Variants in SCFD2 observed in about 807,000 individuals in gnomAD.
The protein encoded by SCFD2 is sec1 family domain-containing protein 2.
A neutral mutation model predicts 58.9 loss-of-function variants in SCFD2; 54 were observed. The ratio of observed to expected loss-of-function variants is 0.92; its 90% CI spans 0.74 to 1.15. The LOEUF is 1.15. Among genes scored for constraint, SCFD2 ranks in the 50% most tolerant of loss-of-function variants. The probability of loss-of-function intolerance (pLI) is 0.00; values close to 1 mark genes in which losing one functional copy is unlikely to be tolerated. For missense variants in SCFD2, 805 were observed against 836.6 expected (o/e 0.96, Z 0.47); for synonymous variants, 321 against 335.9 (o/e 0.96, Z 0.49).
chr4:52,992,002 C>T (rs1380024272), intron 5 of SCFD2, among the ~76,000 whole-genome samples: 1 of 151,970 alleles, frequency 6.6e-6, no homozygotes, highest in South Asian at 2.1e-4. Context: ...TCTCCCTCTC[C>T]CCACAGTCTC....
At chr4:52,888,874 A>G (rs1577800316) in intron 7 of SCFD2, among the ~76,000 whole-genome samples, 1 of 152,082 alleles carries the variant, frequency 6.6e-6, no homozygotes, top group Admixed American at 6.5e-5. Flanking sequence ...AGTCATCTCT[A>G]TTGAGCTCCT....
chr4:52,977,472 T>C (rs888971760), intron 5 of SCFD2, among the ~76,000 whole-genome samples: 6 of 152,086 alleles, frequency 3.9e-5, no homozygotes, highest in African/African-American at 1.4e-4. Flanking sequence ...AAAACAGTAT[T>C]ATCAGAGACT....
intron 2 of SCFD2, among the ~76,000 whole-genome samples, chr4:53,337,656 G>A (rs896452243): frequency 1.3e-5 from 2 of 152,082 alleles, no homozygotes; most frequent in African/African-American, 4.8e-5. Context: ...TAAAAAACTG[G>A]ACACAGCCTA....
At chr4:53,226,277 TAC>T (rs1260602253) in intron 4 of SCFD2, among the ~76,000 whole-genome samples, 1 of 152,138 alleles carries the variant, frequency 6.6e-6, no homozygotes, top group African/African-American at 2.4e-5. Flanking sequence ...CTTGCAGCAA[TAC>T]AACATTATTG....
chr4:53,185,889 A>G (rs1355095177), intron 4 of SCFD2, among the ~76,000 whole-genome samples: 1 of 152,130 alleles, frequency 6.6e-6, no homozygotes, highest in African/African-American at 2.4e-5. Context: ...CCTCCTTGAG[A>G]TGCAACATGG....
chr4:53,023,446 G>C (rs1722397497), intron 5 of SCFD2, among the ~76,000 whole-genome samples: 1 of 152,056 alleles, frequency 6.6e-6, no homozygotes, highest in African/African-American at 2.4e-5. Context: ...CAAGAATTCA[G>C]GAGGCTTAGC....
intron 5 of SCFD2, among the ~76,000 whole-genome samples, chr4:53,133,295 T>C (rs1725845963): frequency 8.0e-6 from 1 of 125,654 alleles, no homozygotes; most frequent in African/African-American, 3.2e-5. Context: ...GCCACTGCAC[T>C]CCAGCCTGGG....
chr4:53,347,685 C>G (rs955407112), intron 2 of SCFD2, among the ~76,000 whole-genome samples: 1 of 152,066 alleles, frequency 6.6e-6, no homozygotes, highest in African/African-American at 2.4e-5. Flanking sequence ...GGACCCAGCA[C>G]GTCCAATTGG....
At chr4:53,221,822 C>A (rs182903960) in intron 4 of SCFD2, among the ~76,000 whole-genome samples, 1 of 152,208 alleles carries the variant, frequency 6.6e-6, no homozygotes, top group Non-Finnish European at 1.5e-5. Flanking sequence ...GGAGATCCAG[C>A]AGCTCTACTA....
intron 4 of SCFD2, among the ~76,000 whole-genome samples, chr4:53,210,634 T>C (rs897594439): frequency 1.3e-5 from 2 of 152,140 alleles, no homozygotes; most frequent in African/African-American, 4.8e-5. Context: ...TGTTATCATA[T>C]ATATTTATTT....
Position 53,365,658 on chromosome 4 carries a change from C to T in SCFD2, c.284G>A (p.Arg95His). The T allele has an allele frequency of 1.2e-6, 2 of 1,614,176 alleles. No homozygotes were observed. The highest frequency in any genetic ancestry group is 8.5e-7 in the Non-Finnish European group (1 of 1,180,028). The change falls in exon 1 of 9, where the codon CGC (arginine) becomes CAC (histidine). Residue 95 changes from arginine to histidine, a missense_variant. Coordinates refer to ENST00000401642, the MANE Select transcript of SCFD2 (RefSeq NM_152540.4). This position sits in a 1 kb window ranked among gnomAD's most constrained non-coding sequence, Gnocchi z 4.3. Reference sequence around the variant, plus strand: ...CACCACACAATACTGGAAGTGACTGCGGCAGATGATGTCCCGTAGGATCTC... The same window carrying T: ...CACCACACAATACTGGAAGTGACTGTGGCAGATGATGTCCCGTAGGATCTC... ...TVEILRDIIC[R>H]SHFQYCVVVT...
intron 5 of SCFD2, among the ~76,000 whole-genome samples, chr4:53,041,599 G>A (rs1329908526): frequency 6.6e-6 from 1 of 152,056 alleles, no homozygotes; most frequent in African/African-American, 2.4e-5. Context: ...AAAAGTACTG[G>A]GTAAGGATGA....
At chr4:53,154,454 G>A (rs1050910504) in intron 4 of SCFD2, among the ~76,000 whole-genome samples, 3 of 152,186 alleles carry the variant, frequency 2.0e-5, no homozygotes, top group African/African-American at 7.2e-5. Context: ...TGTGAGGAGG[G>A]CACCTAGGAA....
At chr4:53,074,331 C>T (rs1050416783) in intron 5 of SCFD2, among the ~76,000 whole-genome samples, 4 of 152,200 alleles carry the variant, frequency 2.6e-5, no homozygotes, top group Admixed American at 2.0e-4. Flanking sequence ...TCTACCACAT[C>T]TGCAGTTACT....
At chr4:53,108,619 G>A (rs1725074723) in intron 5 of SCFD2, among the ~76,000 whole-genome samples, 1 of 152,148 alleles carries the variant, frequency 6.6e-6, no homozygotes, top group Non-Finnish European at 1.5e-5. Context: ...AAATCTAGAA[G>A]AAATGGATAA....
At chr4:52,971,799 C>G (rs1721108036) in intron 5 of SCFD2, among the ~76,000 whole-genome samples, 3 of 152,200 alleles carry the variant, frequency 2.0e-5, no homozygotes, top group African/African-American at 7.2e-5. Context: ...GGAAGCCCAT[C>G]AGACTAACAG....
Position 53,231,706 on chromosome 4 carries a change from C to T in SCFD2, c.1311+42120G>A, listed in dbSNP as rs1729445575. Among the ~76,000 whole-genome samples, 2 of 152,112 alleles carry T rather than the reference C, an allele frequency of 1.3e-5. 1 individual carries two copies. The highest frequency in any genetic ancestry group is 4.1e-4 in the South Asian group (2 of 4,830). ...GATAAATTCATCATATTTAAATAGG[C>T]AGCTTTCCTCTAAAATGTTATGTTT... On this transcript the variant is annotated intron_variant, in intron 4 of 8. Transcript: ENST00000401642.
chr4:53,188,511 C>A (rs1727803387), intron 4 of SCFD2, among the ~76,000 whole-genome samples: 1 of 150,672 alleles, frequency 6.6e-6, no homozygotes, highest in Admixed American at 6.6e-5. Flanking sequence ...GGGCCAACTT[C>A]ATAAGGGAGC....
At chr4:53,211,113 C>A (rs1172524419) in intron 4 of SCFD2, among the ~76,000 whole-genome samples, 2 of 151,934 alleles carry the variant, frequency 1.3e-5, no homozygotes, top group African/African-American at 4.8e-5. Context: ...CATGGTGGCA[C>A]GCACCTGTAG....
Sources: allele counts gnomAD v4.1 joint callset (sites outside exome capture counted in the v4.1 genomes callset), GRCh38; gene constraint gnomAD v4.1.1; non-coding constraint Gnocchi (gnomAD v3.1); transcripts MANE v1.5; gene names NCBI Gene and HGNC (gene_info 2026-07-23, HGNC 2026-07-21).